Variants in SLC4A10 observed in about 807,000 individuals in gnomAD.
SLC4A10 encodes the protein solute carrier family 4 member 10, also known as sodium-driven chloride bicarbonate exchanger.
SLC4A10 carries 42 observed loss-of-function variants against 137.7 expected under a neutral mutation model. The observed-to-expected ratio is 0.30, with a 90% CI of 0.24 to 0.39. The LOEUF (loss-of-function observed/expected upper bound fraction) is 0.39. SLC4A10 is among the 10% of genes least tolerant of loss of function. SLC4A10 has a pLI of 1.00. For synonymous variants in SLC4A10, 474 were observed against 464.1 expected, an observed-to-expected ratio of 1.02 and a Z score of -0.27; for missense variants, 925 against 1,355.0, an observed-to-expected ratio of 0.68 and a Z score of 4.98.
chr2:161,704,398 A>G (rs1368959240), intron 1 of SLC4A10, among the ~76,000 whole-genome samples: 1 of 151,720 alleles, frequency 6.6e-6, no homozygotes, highest in African/African-American at 2.4e-5. Context: ...ATTTTTTATG[A>G]AATTAGACCA....
At chr2:161,873,005 C>A (rs1448825492) in intron 7 of SLC4A10, among the ~76,000 whole-genome samples, 1 of 152,128 alleles carries the variant, frequency 6.6e-6, no homozygotes, top group African/African-American at 2.4e-5. Context: ...TGAGCCACCC[C>A]GCCCGGCCAA....
intron 4 of SLC4A10, among the ~76,000 whole-genome samples, chr2:161,840,317 A>G (rs2059104114): frequency 6.6e-6 from 1 of 152,230 alleles, no homozygotes; most frequent in Non-Finnish European, 1.5e-5. Flanking sequence ...TTATGATAAA[A>G]TGCTTTATGT....
intron 1 of SLC4A10, among the ~76,000 whole-genome samples, chr2:161,714,295 C>T (rs1306868423): frequency 2.0e-5 from 3 of 151,886 alleles, no homozygotes; most frequent in Non-Finnish European, 4.4e-5. Flanking sequence ...GAATCATAGT[C>T]CCATTTCTGA....
chr2:161,651,701 C>A (rs1449503936), intron 1 of SLC4A10, among the ~76,000 whole-genome samples: 1 of 152,240 alleles, frequency 6.6e-6, no homozygotes, highest in Non-Finnish European at 1.5e-5. Context: ...ACGGAGCTAG[C>A]ACTTGTGCCG....
rs1700582913 is a variant in SLC4A10, at chr2:161,984,333, A to G, written c.*1181A>G. On this transcript the variant is annotated 3_prime_UTR_variant, in exon 27 of 27. Coordinates refer to ENST00000446997, the MANE Select transcript of SLC4A10 (RefSeq NM_001178015.2). ...TAATACATCTTTACTAAACTTATAT[A>G]AGGGGAGAGAAAGTTATGAAGTTTT... is the stretch of plus-strand genomic sequence containing the variant. 6.6e-6 allele frequency: 1 copy of G among 152,176 alleles called. No individual in the cohort carries two copies. Among genetic ancestry groups the G allele is most frequent in the Non-Finnish European group, 1.5e-5 (1 of 68,012 alleles). 9.4% of individuals were successfully genotyped at this position (152,176 alleles called of 1,614,324 possible). A position where few individuals can be genotyped will look rare whatever the true frequency, so the allele number is the denominator to read the frequency against.
Position 161,862,990 on chromosome 2 carries a change from A to G in SLC4A10, c.694A>G (p.Arg232Gly). Residue 232 changes from arginine (R) to glycine (G), a missense_variant, in exon 6 of 27, where the codon AGG becomes GGG. By Grantham distance (125) the Arg-to-Gly change is moderately radical. Coordinates refer to ENST00000446997, the MANE Select transcript of SLC4A10 (RefSeq NM_001178015.2). ...HHQNQKKLTN[R>G]IPIVRSFADI... is the part of the protein sequence containing the mutation. ...TCAGAATCAGAAAAAACTCACCAAC[A>G]GGATTCCCATTGTTCGTTCCTTTGC... 6.2e-7 allele frequency: 1 copy of G among 1,613,982 alleles called. No homozygotes were observed. The highest frequency in any genetic ancestry group is 8.5e-7 in the Non-Finnish European group (1 of 1,179,872).
intron 19 of SLC4A10, among the ~76,000 whole-genome samples, chr2:161,951,975 A>G (rs544226176): frequency 6.6e-6 from 1 of 152,168 alleles, no homozygotes; most frequent in Non-Finnish European, 1.5e-5. Flanking sequence ...TCACAACTTT[A>G]TGTATTTTAT....
chr2:161,757,542 G>A (rs2049790557), intron 1 of SLC4A10, among the ~76,000 whole-genome samples: 1 of 152,072 alleles, frequency 6.6e-6, no homozygotes, highest in Non-Finnish European at 1.5e-5. Flanking sequence ...TAATATCCAA[G>A]TAAGTAACAT....
At chr2:161,862,309 T>G (rs2060477097) in intron 5 of SLC4A10, among the ~76,000 whole-genome samples, 1 of 152,182 alleles carries the variant, frequency 6.6e-6, no homozygotes, top group South Asian at 2.1e-4. Context: ...ACTCTCCAAA[T>G]TCAGTAACTA....
At chr2:161,772,298 C>T (rs77928418) in intron 2 of SLC4A10, among the ~76,000 whole-genome samples, 2,317 of 151,728 alleles carry the variant, frequency 0.015, 66 homozygotes, top group African/African-American at 0.052. Context: ...ATTTACCTTC[C>T]TATTTATGTC....
At chr2:161,942,481 A>G (rs1363863698) in intron 15 of SLC4A10, among the ~76,000 whole-genome samples, 1 of 152,152 alleles carries the variant, frequency 6.6e-6, no homozygotes, top group Non-Finnish European at 1.5e-5. Flanking sequence ...TGATTTTACA[A>G]TATTAACTAC....
chr2:161,745,609 G>C (rs751999180), intron 1 of SLC4A10, among the ~76,000 whole-genome samples: 3 of 152,112 alleles, frequency 2.0e-5, no homozygotes, highest in Middle Eastern at 3.4e-3. Context: ...TTCTGGAATG[G>C]TCTTAATGCT....
chr2:161,660,585 T>TTTC (rs1553479824), intron 1 of SLC4A10, among the ~76,000 whole-genome samples: 1 of 132,254 alleles, frequency 7.6e-6, no homozygotes, highest in Admixed American at 7.8e-5. Context: ...TCTTTCTTTC[T>TTTC]TTCTTTCTTT....
At chr2:161,768,934 T>C (rs1386289476) in intron 1 of SLC4A10, among the ~76,000 whole-genome samples, 1 of 151,956 alleles carries the variant, frequency 6.6e-6, no homozygotes, top group Non-Finnish European at 1.5e-5. Flanking sequence ...CTAGGGTTCC[T>C]ATCACAAATT....
intron 3 of SLC4A10, 61 bp from the exon 4 acceptor site, chr2:161,839,728 A>G: frequency 6.3e-7 from 1 of 1,591,518 alleles, no homozygotes; most frequent in Non-Finnish European, 8.6e-7. Context: ...TGACTGGGAC[A>G]TTTTAAGCTC....
At chr2:161,724,056 C>A (rs907446966) in intron 1 of SLC4A10, among the ~76,000 whole-genome samples, 4 of 152,166 alleles carry the variant, frequency 2.6e-5, no homozygotes, top group Admixed American at 2.6e-4. Context: ...CTTATCGCAA[C>A]CTCAAAACCA....
At chr2:161,819,472 T>A (rs2057421704) in intron 3 of SLC4A10, among the ~76,000 whole-genome samples, 1 of 151,884 alleles carries the variant, frequency 6.6e-6, no homozygotes, top group Non-Finnish European at 1.5e-5. Context: ...TGCAATCAAC[T>A]CCCCAGTAAC....
intron 1 of SLC4A10, among the ~76,000 whole-genome samples, chr2:161,727,115 A>G (rs1465240849): frequency 1.3e-5 from 2 of 152,220 alleles, no homozygotes; most frequent in East Asian, 3.8e-4. Flanking sequence ...GTACAGTTAA[A>G]GGTGGAAAAC....
At chr2:161,898,767 A>G (rs1253932065) in intron 11 of SLC4A10, among the ~76,000 whole-genome samples, 1 of 152,116 alleles carries the variant, frequency 6.6e-6, no homozygotes, top group Non-Finnish European at 1.5e-5. Flanking sequence ...GTGAGAATCC[A>G]ACACTTTACT....
Sources: allele counts gnomAD v4.1 joint callset (sites outside exome capture counted in the v4.1 genomes callset), GRCh38; gene constraint gnomAD v4.1.1; transcripts MANE v1.5; gene names NCBI Gene and HGNC (gene_info 2026-07-23, HGNC 2026-07-21).